Variants in TEF observed in about 807,000 individuals in gnomAD.
TEF encodes the protein thyrotroph embryonic factor.
A neutral mutation model predicts 20.8 loss-of-function variants in TEF; 3 were observed. The ratio of observed to expected loss-of-function variants is 0.14; its 90% confidence interval spans 0.07 to 0.37. TEF has a LOEUF of 0.37. Among genes scored for constraint, TEF ranks in the 10% least tolerant of loss-of-function variants. TEF has a pLI of 1.00. For synonymous variants in TEF, 180 were observed against 171.1 expected, an observed-to-expected ratio of 1.05 and a Z score of -0.41; for missense variants, 296 against 397.9, an observed-to-expected ratio of 0.74 and a Z score of 2.18.
At chr22:41,381,823 A>G (rs2037028268), upstream of TEF, 5 of 1,166,498 alleles carry the variant, frequency 4.3e-6, no homozygotes, top group African/African-American at 3.2e-5. Context: ...CGCAGGCTGG[A>G]CCAATCCAGA....
chr22:41,397,291 T>C lies in TEF; in HGVS notation c.*1331T>C, dbSNP rs2037241734. 1 of 395,808 alleles carries C rather than the reference T, an allele frequency of 2.5e-6. No individual in the cohort carries two copies. 24.5% of individuals were successfully genotyped at this position (395,808 alleles called of 1,614,324 possible). A position where few individuals can be genotyped will look rare whatever the true frequency, so the allele number is the denominator to read the frequency against. The stretch of plus-strand genomic sequence containing the variant: ...GTCTCCCCTGCCTCACAACGACTCC[T>C]TTCTCTTGTGTGGCGGGACTCGCCC... On this transcript the variant is annotated 3_prime_UTR_variant, in exon 4 of 4. Coordinates refer to ENST00000266304, the MANE Select transcript of TEF (RefSeq NM_003216.4).
intron 1 of TEF, among the ~76,000 whole-genome samples, chr22:41,370,276 G>A (rs2036867666): frequency 2.0e-5 from 3 of 151,760 alleles, no homozygotes; most frequent in Admixed American, 1.3e-4. Context: ...CACCACGCCA[G>A]GCTAATTTTT....
chr22:41,367,627 T>C, intron 1 of TEF: 1 of 1,549,584 alleles, frequency 6.5e-7, no homozygotes, highest in African/African-American at 1.4e-5. Flanking sequence ...CTGCATTGAT[T>C]GGCTGCCCAG....
chr22:41,367,948 G>C (rs1015871084), intron 1 of TEF, among the ~76,000 whole-genome samples: 4 of 152,176 alleles, frequency 2.6e-5, no homozygotes, highest in Admixed American at 6.5e-5. Context: ...GTACGCTGGG[G>C]GTGGCAGAGG....
upstream of TEF, among the ~76,000 whole-genome samples, chr22:41,378,329 C>T (rs564546889): frequency 2.0e-5 from 3 of 148,330 alleles, no homozygotes; most frequent in African/African-American, 7.5e-5. Flanking sequence ...CCACCACGCC[C>T]AGCTAACTTT....
intron 1 of TEF, chr22:41,367,614 G>GT (rs1363199216): frequency 3.2e-6 from 5 of 1,550,482 alleles, no homozygotes; most frequent in Non-Finnish European, 4.4e-6. Context: ...GAGCACAGGT[G>GT]ACCTGCATTG....
At chr22:41,380,662 G>A (rs2037005928), upstream of TEF, among the ~76,000 whole-genome samples, 1 of 152,126 alleles carries the variant, frequency 6.6e-6, no homozygotes, top group Non-Finnish European at 1.5e-5. Flanking sequence ...ATGTTGCCTG[G>A]GTTTGCAGCG....
At chr22:41,394,692 C>T (rs2037207262) in intron 3 of TEF, among the ~76,000 whole-genome samples, 1 of 152,244 alleles carries the variant, frequency 6.6e-6, no homozygotes, top group Non-Finnish European at 1.5e-5. Context: ...CAGGGATGAG[C>T]AAGCAGCTTT....
At chr22:41,394,713 G>A (rs2037207399) in intron 3 of TEF, among the ~76,000 whole-genome samples, 1 of 152,256 alleles carries the variant, frequency 6.6e-6, no homozygotes, top group South Asian at 2.1e-4. Flanking sequence ...CAAGCTGGTG[G>A]TGCTGTTAGG....
At chr22:41,368,481 C>T (rs926015220) in intron 1 of TEF, among the ~76,000 whole-genome samples, 3 of 152,052 alleles carry the variant, frequency 2.0e-5, no homozygotes, top group Non-Finnish European at 2.9e-5. Flanking sequence ...CCTGGTTGTC[C>T]CCGCAGGACT....
chr22:41,378,156 CTTAGCTTCCTTTTT>C (rs2036967398), upstream of TEF, among the ~76,000 whole-genome samples: 1 of 98,246 alleles, frequency 1.0e-5, no homozygotes. Context: ...AAAAAGCTTC[CTTAGCTTCCTTTTT>C]TTTTTTTTTT....
rs1289824483 is a variant in TEF at position 41,396,188 on chromosome 22, G to A, written c.*228G>A. 7.7e-6 allele frequency: 4 copies of A among 522,710 alleles called. No individual in the cohort carries two copies. The highest frequency in any genetic ancestry group is 3.2e-5 in the East Asian group (1 of 30,908). 32.4% of individuals were successfully genotyped at this position (522,710 alleles called of 1,614,324 possible). A position where few individuals can be genotyped will look rare whatever the true frequency, so the allele number is the denominator to read the frequency against. ...TGGTGGGGAACGCAAGAGAATCTGCGTAGATGGGTGACTCAGCCTTAGTTT... is the reference window on the plus strand; with the variant it reads ...TGGTGGGGAACGCAAGAGAATCTGCATAGATGGGTGACTCAGCCTTAGTTT... On this transcript the variant is annotated 3_prime_UTR_variant, in exon 4 of 4. Transcript: ENST00000266304.
At chr22:41,370,006 G>A (rs775104927) in intron 1 of TEF, 8 of 985,312 alleles carry the variant, frequency 8.1e-6, no homozygotes, top group Non-Finnish European at 8.4e-6. Context: ...ACCTCCAGTG[G>A]GAGGGAAGTG....
chr22:41,382,142 G>C lies in TEF; in HGVS notation c.98G>C (p.Gly33Ala), dbSNP rs1398069156. 8.1e-7 allele frequency: 1 copy of C among 1,239,690 alleles called. No individual in the cohort carries two copies. The highest frequency in any genetic ancestry group is 3.1e-5 in the East Asian group (1 of 32,048). The allele number at this position is 1,239,690 out of a possible 1,614,324, so 76.8% of individuals were successfully genotyped here. ...GRAAGERGLS[G>A]SFPLVLKKLM... ...GCAGCTGGGGAAAGGGGCCTGTCGG[G>C]GTCCTTCCCCCTGGTCCTGAAGAAG... Residue 33 changes from glycine to alanine, a missense_variant, in exon 1 of 4, where the codon GGG (glycine) becomes GCG (alanine). Coordinates refer to ENST00000266304, the MANE Select transcript of TEF (RefSeq NM_003216.4).
intron 1 of TEF, among the ~76,000 whole-genome samples, chr22:41,372,156 CCT>C (rs762627815): frequency 1.3e-5 from 2 of 152,108 alleles, no homozygotes; most frequent in Non-Finnish European, 1.5e-5. Context: ...GTATATTTCC[CCT>C]GTTATTCTGG....
rs886250331 is a variant in TEF at position 41,397,313 on chromosome 22, G to A, written c.*1353G>A. The A allele has an allele frequency of 7.7e-6, 3 of 390,192 alleles. No homozygotes were observed. Among genetic ancestry groups the A allele is most frequent in the Non-Finnish European group, 1.4e-5 (3 of 221,034 alleles). 24.2% of individuals were successfully genotyped at this position (390,192 alleles called of 1,614,324 possible). ...TCCTTTCTCTTGTGTGGCGGGACTC[G>A]CCCTTTTGCTGTGCTCAGAAGATTC... On this transcript the variant is annotated 3_prime_UTR_variant, in exon 4 of 4. Transcript: ENST00000266304.
intron 1 of TEF, among the ~76,000 whole-genome samples, chr22:41,370,811 C>G (rs2036875580): frequency 6.6e-6 from 1 of 152,162 alleles, no homozygotes; most frequent in African/African-American, 2.4e-5. Context: ...CCGTGTAGAC[C>G]TTGCCTCTTT....
At chr22:41,384,597 A>T (rs1455003550) in intron 1 of TEF, among the ~76,000 whole-genome samples, 2 of 152,174 alleles carry the variant, frequency 1.3e-5, no homozygotes, top group Non-Finnish European at 2.9e-5. Context: ...TCTGTTTGCA[A>T]ATCCAATATT....
chr22:41,385,655 A>G (rs754441125), intron 1 of TEF, among the ~76,000 whole-genome samples: 25 of 152,202 alleles, frequency 1.6e-4, no homozygotes, highest in Non-Finnish European at 2.8e-4. Flanking sequence ...TCTCTCCTGC[A>G]GATGCTAATC....
Sources: gnomAD v4.1 joint callset for allele counts (sites outside exome capture counted in the v4.1 genomes callset) on GRCh38, gnomAD v4.1.1 for gene constraint, MANE v1.5 for transcripts, NCBI Gene and HGNC (gene_info 2026-07-23, HGNC 2026-07-21) for gene names.